Variants in SOX5 observed in about 807,000 individuals in gnomAD.
The protein encoded by SOX5 is transcription factor SOX-5.
A neutral mutation model predicts 92.0 loss-of-function variants in SOX5; 9 were observed. That is an observed-to-expected ratio of 0.10 (90% confidence interval 0.06 to 0.17). The LOEUF (loss-of-function observed/expected upper bound fraction) is 0.17, where lower values mean the gene tolerates loss of function less well. Ranked by LOEUF, SOX5 falls within the 10% of genes least tolerant of loss-of-function variation. The pLI, the probability that SOX5 is intolerant of heterozygous loss-of-function variation, is 1.00. For synonymous variants in SOX5, 344 were observed against 336.3 expected (o/e 1.02, Z -0.25); for missense variants, 642 against 944.5 (o/e 0.68, Z 4.20).
chr12:23,820,757 C>G (rs1325173592), intron 3 of SOX5, among the ~76,000 whole-genome samples: 3 of 151,958 alleles, frequency 2.0e-5, no homozygotes, highest in Non-Finnish European at 4.4e-5. Context: ...ATTTTTGAGG[C>G]CTCTGTTCTG....
intron 1 of SOX5, among the ~76,000 whole-genome samples, chr12:24,493,913 A>T (rs1275875828): frequency 6.6e-6 from 1 of 152,190 alleles, no homozygotes; most frequent in Non-Finnish European, 1.5e-5. Context: ...AGTGTTTATA[A>T]AAAATCAGTA....
chr12:23,863,937 C>T (rs2096784295), intron 2 of SOX5, among the ~76,000 whole-genome samples: 1 of 151,168 alleles, frequency 6.6e-6, no homozygotes, highest in African/African-American at 2.4e-5. Context: ...ATACAGGCAC[C>T]TTGTTTTATG....
At chr12:24,471,855 T>C (rs1009642714) in intron 1 of SOX5, among the ~76,000 whole-genome samples, 3 of 150,864 alleles carry the variant, frequency 2.0e-5, no homozygotes, top group African/African-American at 7.4e-5. Context: ...CCTTAGTCAG[T>C]TGAAAAAAAA....
chr12:24,257,015 G>A (rs550622003), intron 3 of SOX5, among the ~76,000 whole-genome samples: 2 of 152,272 alleles, frequency 1.3e-5, no homozygotes, highest in African/African-American at 4.8e-5. Flanking sequence ...ATACAATAGA[G>A]CACTTCTGAG....
intron 1 of SOX5, among the ~76,000 whole-genome samples, chr12:24,447,365 AC>A (rs1289995801): frequency 6.6e-6 from 1 of 152,194 alleles, no homozygotes; most frequent in Non-Finnish European, 1.5e-5. Context: ...AAAACATCAG[AC>A]AAGCACAGAC....
chr12:24,309,061 G>GGGCT (rs1948906117), intron 2 of SOX5, among the ~76,000 whole-genome samples: 1 of 152,166 alleles, frequency 6.6e-6, no homozygotes, highest in African/African-American at 2.4e-5. Context: ...TCCTCCAAAA[G>GGGCT]GGCTGGGATT....
chr12:24,370,448 G>A lies in SOX5; in HGVS notation c.-250-1809C>T, dbSNP rs372141357. Among the ~76,000 whole-genome samples the A allele has an allele frequency of 4.4e-5, 6 of 135,520 alleles. No homozygotes were observed. The Admixed American group carries it at 5.1e-4, about 12-fold the overall frequency. The allele number at this position is 135,520 out of a possible 152,430, so 88.9% of individuals were successfully genotyped here. On this transcript the variant is annotated intron_variant, in intron 1 of 4. Coordinates refer to the SOX5 transcript ENST00000446891. ...GCTGAGACTGCGCCACCGCACTCCA[G>A]CCTGGGCGACACTGCAAGACTCCGT...
chr12:24,352,517 G>A (rs974520505), intron 2 of SOX5, among the ~76,000 whole-genome samples: 3 of 152,168 alleles, frequency 2.0e-5, no homozygotes, highest in Non-Finnish European at 4.4e-5. Context: ...CTAGAGGTGA[G>A]AGCCATGCTG....
intron 1 of SOX5, among the ~76,000 whole-genome samples, chr12:24,416,239 A>G (rs1964996411): frequency 6.6e-6 from 1 of 152,246 alleles, no homozygotes; most frequent in South Asian, 2.1e-4. Context: ...GGTCTTCTGC[A>G]TCCACAGCTC....
intron 4 of SOX5, among the ~76,000 whole-genome samples, chr12:24,176,704 C>T (rs943978168): frequency 6.6e-6 from 1 of 152,152 alleles, no homozygotes; most frequent in Non-Finnish European, 1.5e-5. Context: ...GCTCCTGTTC[C>T]TGGTATTTTC....
chr12:23,925,302 T>C (rs1445810579), intron 1 of SOX5, among the ~76,000 whole-genome samples: 1 of 152,124 alleles, frequency 6.6e-6, no homozygotes, highest in Non-Finnish European at 1.5e-5. Flanking sequence ...ATAGAGTTAA[T>C]GTTAATTTTT....
At chr12:23,785,739 A>G (rs531874956) in intron 3 of SOX5, among the ~76,000 whole-genome samples, 3 of 152,250 alleles carry the variant, frequency 2.0e-5, no homozygotes, top group East Asian at 3.9e-4. Flanking sequence ...ATATGCCCAG[A>G]CACAAACACA....
intron 4 of SOX5, among the ~76,000 whole-genome samples, chr12:24,188,641 T>C (rs1223131278): frequency 6.6e-6 from 1 of 152,092 alleles, no homozygotes. Context: ...AAGAGTAACA[T>C]AGTTGACTAC....
chr12:23,862,317 T>A (rs2096765120), intron 2 of SOX5, among the ~76,000 whole-genome samples: 1 of 152,126 alleles, frequency 6.6e-6, no homozygotes, highest in African/African-American at 2.4e-5. Flanking sequence ...GTACTGAAAA[T>A]TGCATGAGCA....
chr12:24,297,380 C>T (rs1947390076), intron 2 of SOX5, among the ~76,000 whole-genome samples: 1 of 152,154 alleles, frequency 6.6e-6, no homozygotes, highest in Non-Finnish European at 1.5e-5. Flanking sequence ...ATAAAACAAA[C>T]TGTTCTCTTC....
chr12:24,155,098 A>T (rs1952032551), intron 4 of SOX5, among the ~76,000 whole-genome samples: 1 of 152,140 alleles, frequency 6.6e-6, no homozygotes, highest in Non-Finnish European at 1.5e-5. Context: ...TACGCTAAGC[A>T]CAGCTCAGAC....
upstream of SOX5, chr12:23,950,964 TTCACACACGCATGCAC>T: frequency 9.4e-7 from 1 of 1,065,910 alleles, no homozygotes; most frequent in Non-Finnish European, 1.4e-6. Flanking sequence ...GTGTGCATTC[TTCACACACGCATGCAC>T]ACACACACAC....
chr12:24,242,758 G>A (rs1277318281), intron 3 of SOX5, among the ~76,000 whole-genome samples: 2 of 152,160 alleles, frequency 1.3e-5, no homozygotes, highest in Non-Finnish European at 2.9e-5. Context: ...CTCATGTATA[G>A]TTAGCGAGAG....
At chr12:23,819,585 C>T (rs112026930) in intron 3 of SOX5, among the ~76,000 whole-genome samples, 20 of 152,218 alleles carry the variant, frequency 1.3e-4, no homozygotes, top group Non-Finnish European at 2.1e-4. Context: ...CTAGTCCCCC[C>T]ACTCCCCGAC....
Sources: allele counts gnomAD v4.1 joint callset (sites outside exome capture counted in the v4.1 genomes callset), GRCh38; gene constraint gnomAD v4.1.1; transcripts MANE v1.5; gene names NCBI Gene and HGNC (gene_info 2026-07-23, HGNC 2026-07-21).